The following GET4 variants were observed in gnomAD, a reference collection of about 807,000 sequenced individuals.
The protein encoded by GET4 is Golgi to ER traffic protein 4 homolog.
Under a neutral mutation model 40.0 loss-of-function variants are expected in GET4, and 20 were observed. The observed-to-expected ratio is 0.50, with a 90% CI of 0.35 to 0.73. The LOEUF is 0.73. GET4 is among the 30% of genes least tolerant of loss of function. The pLI is 0.01. For missense variants in GET4, 557 were observed against 454.0 expected, an observed-to-expected ratio of 1.23 and a Z score of -2.06; for synonymous variants, 280 against 194.6, an observed-to-expected ratio of 1.44 and a Z score of -3.65.
intron 1 of GET4, chr7:885,734 C>T (rs901742634): frequency 6.5e-6 from 2 of 305,906 alleles, no homozygotes; most frequent in East Asian, 7.0e-5. Context: ...TCCTTCCCTG[C>T]GCACCTGCCC....
At chr7:894,927 T>A (rs1307359842) in intron 8 of GET4, among the ~76,000 whole-genome samples, 3 of 152,150 alleles carry the variant, frequency 2.0e-5, no homozygotes, top group African/African-American at 7.2e-5. Flanking sequence ...GATTCATGTG[T>A]CACTGTAGGG....
chr7:884,299 GCCT>G, intron 1 of GET4: 1 of 1,303,992 alleles, frequency 7.7e-7, no homozygotes, highest in East Asian at 5.5e-5. Flanking sequence ...ACGGCTCCCG[GCCT>G]CCTCTGAGTC....
At position 886,039 on chromosome 7, in the gene GET4, T is replaced by A; in HGVS notation, c.156-17T>A. The A allele has an allele frequency of 6.5e-7, 1 of 1,537,148 alleles. No homozygotes were observed. The highest frequency in any genetic ancestry group is 9.0e-7 in the Non-Finnish European group (1 of 1,111,284). On this transcript the variant is annotated splice_polypyrimidine_tract_variant and intron_variant, in intron 1 of 8. Coordinates refer to ENST00000265857, the MANE Select transcript of GET4 (RefSeq NM_015949.3). ...GAGGGCACGTGGGCGTGGCTCACGG[T>A]CTCCTCTCTGTGGCAGGTACATGTC...
Position 892,381 on chromosome 7 carries a change from C to T in GET4, c.709C>T (p.Leu237Phe), listed in dbSNP as rs777253139. 6.3e-7 allele frequency: 1 copy of T among 1,593,656 alleles called. No individual in the cohort carries two copies. The highest frequency in any genetic ancestry group is 8.6e-7 in the Non-Finnish European group (1 of 1,163,142). The change falls in exon 6 of 9, where the codon CTT becomes TTT. Residue 237 changes from leucine to phenylalanine, a missense_variant. By Grantham distance (22) the Leu-to-Phe change is conservative. Transcript: ENST00000265857. ...CGGGCCTCCGTTTGTGGAGCCGCTG[C>T]TTAACTTCATCTGGTTCCTGCTGCT... ...EDGPPFVEPL[L>F]NFIWFLLLAV...
intron 1 of GET4, among the ~76,000 whole-genome samples, chr7:878,769 C>T (rs1453222252): frequency 1.3e-5 from 2 of 152,016 alleles, no homozygotes; most frequent in African/African-American, 2.4e-5. Context: ...TTACTAGAGA[C>T]GGGGTTTCAC....
intron 1 of GET4, among the ~76,000 whole-genome samples, chr7:879,514 C>T (rs917228995): frequency 2.6e-5 from 4 of 152,192 alleles, no homozygotes; most frequent in African/African-American, 7.2e-5. Flanking sequence ...CTGAGCAGCC[C>T]GGGCTCAGGA....
chr7:877,292 C>T (rs1310972197), intron 1 of GET4, among the ~76,000 whole-genome samples: 1 of 145,284 alleles, frequency 6.9e-6, no homozygotes, highest in Non-Finnish European at 1.5e-5. Context: ...TGTCCTCGGC[C>T]TCTCCTTGCC....
chr7:883,953 T>C (rs1313964772), intron 1 of GET4: 3 of 1,057,330 alleles, frequency 2.8e-6, no homozygotes, highest in Non-Finnish European at 3.4e-6. Context: ...CTTGCCCGGC[T>C]CCCAGCTGCC....
intron 1 of GET4, among the ~76,000 whole-genome samples, chr7:879,318 G>A (rs973220860): frequency 3.3e-5 from 5 of 152,242 alleles, no homozygotes; most frequent in African/African-American, 1.2e-4. Context: ...GAGCCCAAGC[G>A]AAGGTGGACT....
chr7:895,025 G>T (rs898040318), intron 8 of GET4, among the ~76,000 whole-genome samples: 2 of 151,948 alleles, frequency 1.3e-5, no homozygotes, highest in Non-Finnish European at 2.9e-5. Flanking sequence ...CGTGGCTCCT[G>T]TTGGTGGGTG....
chr7:892,477 G>C (rs897492258), intron 6 of GET4, 59 bp downstream of exon 6: 2 of 1,551,266 alleles, frequency 1.3e-6, no homozygotes, highest in African/African-American at 1.4e-5. Context: ...GTGTGTAGAC[G>C]TGGTGTGGAT....
chr7:887,629 C>T lies in GET4; in HGVS notation c.466+110C>T, dbSNP rs970330093. 11 of 872,380 alleles carry T rather than the reference C, an allele frequency of 1.3e-5. No individual in the cohort carries two copies. The African/African-American group carries it at 1.7e-4, about 14-fold the overall frequency. The allele number at this position is 872,380 out of a possible 1,614,324, so 54.0% of individuals were successfully genotyped here. On this transcript the variant is annotated intron_variant, in intron 4 of 8. Coordinates refer to ENST00000265857, the MANE Select transcript of GET4 (RefSeq NM_015949.3). ...CCACCAGGGCAGAGATGGGGTTTCA[C>T]CCTGTGGTCACGCGGGCCGGTCCAT...
At chr7:885,978 C>G (rs1330755028) in intron 1 of GET4, 78 bp from the exon 2 acceptor site, 34 of 896,406 alleles carry the variant, frequency 3.8e-5, no homozygotes, top group Non-Finnish European at 1.7e-5. Flanking sequence ...TTGTTTTTAG[C>G]TTCTGACCTG....
intron 5 of GET4, among the ~76,000 whole-genome samples, chr7:891,498 C>T (rs905539055): frequency 6.6e-6 from 1 of 151,432 alleles, no homozygotes; most frequent in Admixed American, 6.6e-5. Context: ...GTGGTCCCTT[C>T]CGCCAGCTCG....
intron 1 of GET4, chr7:883,966 G>A: frequency 9.3e-7 from 1 of 1,074,118 alleles, no homozygotes; most frequent in South Asian, 2.5e-5. Flanking sequence ...CAGCTGCCCA[G>A]GGAAGAAGGG....
At chr7:883,980 C>T (rs1048171114) in intron 1 of GET4, 13 of 1,071,982 alleles carry the variant, frequency 1.2e-5, no homozygotes, top group African/African-American at 1.0e-4. Flanking sequence ...AGAAGGGAGC[C>T]GGCTGCAAGG....
rs1176377754 is a variant in GET4, at chr7:896,333, G to C, written c.*911G>C. 6.6e-6 allele frequency: 1 copy of C among 152,244 alleles called. No individual in the cohort carries two copies. The highest frequency in any genetic ancestry group is 1.5e-5 in the Non-Finnish European group (1 of 68,050). The allele number at this position is 152,244 out of a possible 1,614,324, so 9.4% of individuals were successfully genotyped here. The stretch of plus-strand genomic sequence containing the variant: ...AATGACAGTTGTAGATTGATACGCA[G>C]TTGTGCATGGGAAGGGGAAACGCAC... On this transcript the variant is annotated 3_prime_UTR_variant, in exon 9 of 9. Coordinates refer to ENST00000265857, the MANE Select transcript of GET4 (RefSeq NM_015949.3).
At chr7:895,278 T>G in intron 8 of GET4, 56 bp from the exon 9 acceptor site, 1 of 838,356 alleles carries the variant, frequency 1.2e-6, no homozygotes, top group Non-Finnish European at 2.0e-6. Flanking sequence ...AAGGAGGGGC[T>G]TGGGGGCCTG....
At chr7:893,512 G>C (rs1436952317) in intron 6 of GET4, among the ~76,000 whole-genome samples, 1 of 136,930 alleles carries the variant, frequency 7.3e-6, no homozygotes, top group Non-Finnish European at 1.6e-5. Context: ...CATGGTGGTT[G>C]CAGGTGAGTG....
Sources: gnomAD v4.1 joint callset for allele counts (sites outside exome capture counted in the v4.1 genomes callset) on GRCh38, gnomAD v4.1.1 for gene constraint, MANE v1.5 for transcripts, NCBI Gene and HGNC (gene_info 2026-07-23, HGNC 2026-07-21) for gene names.